The following DLG2 variants were observed in gnomAD, a reference collection of about 807,000 sequenced individuals.
The protein encoded by DLG2 is discs large MAGUK scaffold protein 2.
A neutral mutation model predicts 132.5 loss-of-function variants in DLG2; 45 were observed. The observed-to-expected ratio is 0.34, with a 90% CI of 0.27 to 0.44. The LOEUF is 0.44. Ranked by LOEUF, DLG2 falls within the 20% of genes least tolerant of loss-of-function variation. The pLI, the probability that DLG2 is intolerant of heterozygous loss-of-function variation, is 1.00. For synonymous variants in DLG2, 424 were observed against 419.6 expected (o/e 1.01, Z -0.13); for missense variants, 1,045 against 1,196.9 (o/e 0.87, Z 1.87).
intron 3 of DLG2, among the ~76,000 whole-genome samples, chr11:85,424,342 G>A (rs2090551680): frequency 2.0e-5 from 3 of 152,034 alleles, no homozygotes; most frequent in African/African-American, 7.2e-5. Context: ...ATTTATTCCT[G>A]CCATCACTCT....
intron 6 of DLG2, among the ~76,000 whole-genome samples, chr11:85,065,204 C>G (rs529971977): frequency 7.2e-4 from 109 of 151,414 alleles, no homozygotes; most frequent in African/African-American, 2.6e-3. Flanking sequence ...CTAGAATAGT[C>G]CACTATTTAT....
At chr11:84,192,411 ATATTT>A (rs770549341) in intron 8 of DLG2, among the ~76,000 whole-genome samples, 110 of 152,094 alleles carry the variant, frequency 7.2e-4, no homozygotes, top group Non-Finnish European at 1.3e-3. Context: ...TTATAATGAG[ATATTT>A]TATTTTATGA....
chr11:83,823,257 C>T (rs1336085100), intron 17 of DLG2, among the ~76,000 whole-genome samples: 1 of 151,980 alleles, frequency 6.6e-6, no homozygotes, highest in Non-Finnish European at 1.5e-5. Flanking sequence ...CACGATTTCC[C>T]CTTTATCTGT....
chr11:84,854,062 G>A (rs1388577485), intron 6 of DLG2, among the ~76,000 whole-genome samples: 1 of 151,958 alleles, frequency 6.6e-6, no homozygotes, highest in South Asian at 2.1e-4. Flanking sequence ...CATAATACTG[G>A]GGATTAACTA....
chr11:85,469,569 A>G (rs2092917233), intron 3 of DLG2: 1 of 152,252 alleles, frequency 6.6e-6, no homozygotes, highest in African/African-American at 2.4e-5. Context: ...GTCATGGCCA[A>G]AATTGATCTT....
intron 7 of DLG2, among the ~76,000 whole-genome samples, chr11:84,429,311 C>A (rs76853846): frequency 0.03 from 4,576 of 152,184 alleles, 129 homozygotes; most frequent in South Asian, 0.15. Context: ...GAATTAGAAT[C>A]AAAAAATGTT....
intron 3 of DLG2, among the ~76,000 whole-genome samples, chr11:85,437,213 C>T (rs1368054290): frequency 6.6e-6 from 1 of 151,828 alleles, no homozygotes; most frequent in East Asian, 1.9e-4. Flanking sequence ...GGGCTTAAAA[C>T]CTAGGTGACG....
intron 18 of DLG2, among the ~76,000 whole-genome samples, chr11:83,677,535 T>G (rs1289093139): frequency 5.4e-4 from 82 of 152,164 alleles, no homozygotes; most frequent in African/African-American, 1.9e-3. Flanking sequence ...GAAAGCAAAG[T>G]TGCAAGGTTT....
At chr11:84,043,329 A>G (rs2096147164) in intron 11 of DLG2, among the ~76,000 whole-genome samples, 1 of 151,732 alleles carries the variant, frequency 6.6e-6, no homozygotes, top group Non-Finnish European at 1.5e-5. Context: ...TACAAATAAC[A>G]GTTTTGATGA....
chr11:83,633,743 AACACACACAC>A (rs35932645), intron 18 of DLG2, among the ~76,000 whole-genome samples: 6,212 of 143,268 alleles, frequency 0.043, 459 homozygotes, highest in African/African-American at 0.15. Flanking sequence ...CACAGAACTA[AACACACACAC>A]ACACACACAC....
intron 7 of DLG2, among the ~76,000 whole-genome samples, chr11:84,431,868 A>G (rs1345289943): frequency 3.3e-5 from 5 of 152,184 alleles, no homozygotes; most frequent in Non-Finnish European, 7.3e-5. Flanking sequence ...CTTGCAATTC[A>G]TGATGTGTTA....
Position 85,411,597 on chromosome 11 carries a change from G to A in DLG2, c.41-126232C>T, listed in dbSNP as rs190127743. Among the ~76,000 whole-genome samples the A allele has an allele frequency of 4.3e-3, 650 of 151,982 alleles. 1 individual carries two copies. Among genetic ancestry groups the A allele is most frequent in the Non-Finnish European group, 7.0e-3 (476 of 67,910 alleles). On this transcript the variant is annotated intron_variant, in intron 3 of 27. Coordinates refer to ENST00000376104, the MANE Select transcript of DLG2 (RefSeq NM_001142699.3). ...GTTGCAAATTGTACCTAATTGTGAT[G>A]ATCAATGTCATTCAGTCATATGCAT...
chr11:84,718,794 A>G (rs1414156987), intron 6 of DLG2, among the ~76,000 whole-genome samples: 1 of 152,202 alleles, frequency 6.6e-6, no homozygotes, highest in East Asian at 1.9e-4. Flanking sequence ...CTCCTTAGTT[A>G]TTGGTGCTAT....
chr11:85,622,627 G>GA (rs113550955), intron 2 of DLG2, among the ~76,000 whole-genome samples: 16,705 of 129,268 alleles, frequency 0.13, 1,168 homozygotes, highest in East Asian at 0.3. Flanking sequence ...TTCCCCAGAG[G>GA]AAAAAAAAAA....
intron 4 of DLG2, among the ~76,000 whole-genome samples, chr11:85,220,033 CATCACATATTT>C: frequency 6.6e-6 from 1 of 151,970 alleles, no homozygotes; most frequent in East Asian, 1.9e-4. Context: ...TCCACTCATC[CATCACATATTT>C]ATGAAGTACC....
chr11:84,545,508 T>G (rs2099387837), intron 6 of DLG2: 5 of 403,644 alleles, frequency 1.2e-5, no homozygotes, highest in South Asian at 8.1e-5. Context: ...TTGGCTTCTT[T>G]GGCTCAATGA....
At chr11:84,620,607 C>T (rs989707731) in intron 6 of DLG2, among the ~76,000 whole-genome samples, 2 of 151,898 alleles carry the variant, frequency 1.3e-5, no homozygotes, top group Non-Finnish European at 2.9e-5. Flanking sequence ...CACATGAATG[C>T]TGAATAAAGA....
intron 3 of DLG2, among the ~76,000 whole-genome samples, chr11:85,507,279 T>G (rs1382208321): frequency 2.6e-5 from 4 of 152,178 alleles, no homozygotes; most frequent in Admixed American, 6.5e-5. Context: ...ATTTTGCTTG[T>G]TAGTTGATGC....
rs566434370 is a variant in DLG2, at chr11:85,446,525, T to A, written c.40+152132A>T. ...TAATCACTTAAAATAATAGCTTCCA[T>A]TTGTTTAGTAAATATCGATCAGGTA... is the stretch of plus-strand genomic sequence containing the variant. On this transcript the variant is annotated intron_variant, in intron 3 of 27. Coordinates refer to ENST00000376104, the MANE Select transcript of DLG2 (RefSeq NM_001142699.3). Among the ~76,000 whole-genome samples, 7 of 152,348 alleles carry A rather than the reference T, an allele frequency of 4.6e-5. No homozygotes were observed. The East Asian group carries it at 1.3e-3, about 29-fold the overall frequency.
Sources: gnomAD v4.1 joint callset for allele counts (sites outside exome capture counted in the v4.1 genomes callset) on GRCh38, gnomAD v4.1.1 for gene constraint, MANE v1.5 for transcripts, NCBI Gene and HGNC (gene_info 2026-07-23, HGNC 2026-07-21) for gene names.